The following MRTFB variants were observed in gnomAD, a reference collection of about 807,000 sequenced individuals.
MRTFB encodes myocardin related transcription factor B.
MRTFB carries 29 observed loss-of-function variants against 104.2 expected under a neutral mutation model. The ratio of observed to expected loss-of-function variants is 0.28; its 90% CI spans 0.21 to 0.38. The LOEUF (loss-of-function observed/expected upper bound fraction) is 0.38, where lower values mean the gene tolerates loss of function less well. MRTFB is among the 10% of genes least tolerant of loss of function. The pLI is 1.00. For synonymous variants in MRTFB, 535 were observed against 519.5 expected, an observed-to-expected ratio of 1.03 and a Z score of -0.41; for missense variants, 1,270 against 1,341.6, an observed-to-expected ratio of 0.95 and a Z score of 0.83.
intron 15 of MRTFB, among the ~76,000 whole-genome samples, chr16:14,257,499 C>G (rs1476043012): frequency 6.6e-6 from 1 of 151,842 alleles, no homozygotes; most frequent in Admixed American, 6.6e-5. Flanking sequence ...CTTCCCCTAC[C>G]ACCAAGAAAC....
At chr16:14,219,753 T>TATCA (rs1567181490) in intron 8 of MRTFB, among the ~76,000 whole-genome samples, 1 of 152,244 alleles carries the variant, frequency 6.6e-6, no homozygotes, top group African/African-American at 2.4e-5. Context: ...TCATTGCATT[T>TATCA]ATCACCATGA....
At chr16:14,151,720 A>G (rs1377100173) in intron 3 of MRTFB, 1 of 152,194 alleles carries the variant, frequency 6.6e-6, no homozygotes, top group Non-Finnish European at 1.5e-5. Context: ...CTGATTTCCC[A>G]TGAAGTTCAT....
intron 2 of MRTFB, among the ~76,000 whole-genome samples, chr16:14,105,432 C>G (rs2035921893): frequency 6.6e-6 from 1 of 151,728 alleles, no homozygotes; most frequent in African/African-American, 2.4e-5. Context: ...GGGTCTCGCT[C>G]TGTTGCCCAG....
At chr16:14,249,338 A>G (rs1285246281) in intron 13 of MRTFB, among the ~76,000 whole-genome samples, 4 of 152,240 alleles carry the variant, frequency 2.6e-5, no homozygotes, top group African/African-American at 7.2e-5. Context: ...GAAAGTTTCA[A>G]AAGTATTTGT....
At position 14,191,291 on chromosome 16, in the gene MRTFB, TCA is replaced by T. The variant is rs2040170528; in HGVS notation, c.155-18949_155-18948del. 3.3e-5 allele frequency among the ~76,000 whole-genome samples: 5 copies of T among 152,338 alleles called. No individual in the cohort carries two copies. The South Asian group carries it at 1.0e-3, about 32-fold the overall frequency. ...GCAATGAATGTTTCCATTTCTGCCCTCACAGAAAGCTCTGGACAACGCTACTC... is the reference window on the plus strand; with the variant it reads ...GCAATGAATGTTTCCATTTCTGCCCTCAGAAAGCTCTGGACAACGCTACTC... On this transcript the variant is annotated intron_variant, in intron 3 of 16. Coordinates refer to ENST00000571589, the MANE Select transcript of MRTFB (RefSeq NM_001308142.2).
At chr16:14,020,458 A>T in the MRTFB span, 3 of 152,214 alleles carry the variant, frequency 2.0e-5, no homozygotes, top group African/African-American at 7.2e-5. Context: ...TGAAGCTTAT[A>T]GCCAAATTTG....
intron 8 of MRTFB, among the ~76,000 whole-genome samples, chr16:14,230,780 C>T (rs1163649954): frequency 0.012 from 1,840 of 151,770 alleles, 28 homozygotes; most frequent in African/African-American, 0.031. Context: ...ATCCCATTAC[C>T]GGGTATATAC....
At chr16:14,021,379 A>T in the MRTFB span, among the ~76,000 whole-genome samples, 1 of 152,236 alleles carries the variant, frequency 6.6e-6, no homozygotes, top group South Asian at 2.1e-4. Flanking sequence ...CTACAGCAGC[A>T]GGACAAATCC....
At chr16:14,257,770 C>T (rs765438735) in intron 15 of MRTFB, among the ~76,000 whole-genome samples, 1 of 152,016 alleles carries the variant, frequency 6.6e-6, no homozygotes, top group African/African-American at 2.4e-5. Context: ...GTGTGATCAC[C>T]TTTGTACAAA....
chr16:14,111,233 C>G (rs567753496), intron 2 of MRTFB, among the ~76,000 whole-genome samples: 1 of 152,190 alleles, frequency 6.6e-6, no homozygotes, highest in East Asian at 1.9e-4. Flanking sequence ...GGGGTTAACC[C>G]TGGAAAGAAG....
At chr16:14,124,084 A>G (rs916012178) in intron 2 of MRTFB, among the ~76,000 whole-genome samples, 1 of 152,152 alleles carries the variant, frequency 6.6e-6, no homozygotes, top group African/African-American at 2.4e-5. Context: ...TTGGTGTATA[A>G]GAATACTTGT....
chr16:14,164,975 A>G (rs1446607741), intron 3 of MRTFB, among the ~76,000 whole-genome samples: 1 of 151,964 alleles, frequency 6.6e-6, no homozygotes, highest in Non-Finnish European at 1.5e-5. Flanking sequence ...ACTACCTGAT[A>G]TTTCTAATCG....
At chr16:14,254,706 T>C (rs1041899699) in intron 15 of MRTFB, among the ~76,000 whole-genome samples, 9 of 152,204 alleles carry the variant, frequency 5.9e-5, no homozygotes, top group African/African-American at 2.2e-4. Context: ...GCTAAAACAA[T>C]AGAAACCATT....
the MRTFB span, among the ~76,000 whole-genome samples, chr16:14,052,968 T>G: frequency 6.6e-6 from 1 of 152,158 alleles, no homozygotes. Context: ...CATATGATAT[T>G]TGTTTTTCTG....
chr16:14,154,778 G>A (rs934514374), intron 3 of MRTFB, among the ~76,000 whole-genome samples: 2 of 152,214 alleles, frequency 1.3e-5, no homozygotes, highest in African/African-American at 4.8e-5. Context: ...GCAAGATTCA[G>A]TTCTTTTAGG....
intron 2 of MRTFB, among the ~76,000 whole-genome samples, chr16:14,095,883 C>T (rs1311766764): frequency 6.6e-6 from 1 of 151,652 alleles, no homozygotes; most frequent in Non-Finnish European, 1.5e-5. Flanking sequence ...ACTGAATGCA[C>T]TATTTACAAC....
At chr16:14,227,493 A>C (rs1048315444) in intron 8 of MRTFB, among the ~76,000 whole-genome samples, 1 of 152,034 alleles carries the variant, frequency 6.6e-6, no homozygotes, top group Non-Finnish European at 1.5e-5. Flanking sequence ...TCTTTTATAA[A>C]TTATCCAGCC....
chr16:14,008,856 A>C, the MRTFB span, among the ~76,000 whole-genome samples: 1 of 150,228 alleles, frequency 6.7e-6, no homozygotes, highest in Middle Eastern at 3.3e-3. Flanking sequence ...TTCTTTCAAC[A>C]ATGTTATATA....
rs772088645 is a variant in MRTFB at position 14,260,926 on chromosome 16, AAAG to A, written c.2788_2790del (p.Glu930del). The A allele has an allele frequency of 1.9e-5, 31 of 1,604,024 alleles. No individual in the cohort carries two copies. The highest frequency in any genetic ancestry group is 4.5e-5 in the East Asian group (2 of 44,720). On this transcript the variant is annotated inframe_deletion, in exon 17 of 17. Coordinates refer to ENST00000571589, the MANE Select transcript of MRTFB (RefSeq NM_001308142.2). ...TTACACAGAGATCTCCCTCCCCATAAAAGAAGAACCTTCTCCTATTTCCAAAAT... is the reference window on the plus strand; with the variant it reads ...TTACACAGAGATCTCCCTCCCCATAAAAGAACCTTCTCCTATTTCCAAAAT...
Sources: gnomAD v4.1 joint callset for allele counts (sites outside exome capture counted in the v4.1 genomes callset) on GRCh38, gnomAD v4.1.1 for gene constraint, MANE v1.5 for transcripts, NCBI Gene and HGNC (gene_info 2026-07-23, HGNC 2026-07-21) for gene names.